Variants in CCNK observed in about 807,000 individuals in gnomAD.
CCNK encodes the protein cyclin-K.
A neutral mutation model predicts 65.0 loss-of-function variants in CCNK; 9 were observed. The ratio of observed to expected loss-of-function variants is 0.14; its 90% CI spans 0.08 to 0.24. The LOEUF is 0.24. CCNK is among the 10% of genes least tolerant of loss of function. The probability of loss-of-function intolerance (pLI) is 1.00; values close to 1 mark genes in which losing one functional copy is unlikely to be tolerated. For synonymous variants in CCNK, 279 were observed against 270.8 expected, an observed-to-expected ratio of 1.03 and a Z score of -0.30; for missense variants, 474 against 720.0, an observed-to-expected ratio of 0.66 and a Z score of 3.91.
At chr14:99,506,921 T>A in intron 9 of CCNK, 155 bp from the exon 10 acceptor site, 1 of 644,898 alleles carries the variant, frequency 1.6e-6, no homozygotes, top group Non-Finnish European at 2.8e-6. Flanking sequence ...TCATGCATAA[T>A]GGTTTAGCTG....
At chr14:99,499,018 A>G (rs1034000393) in intron 4 of CCNK, among the ~76,000 whole-genome samples, 2 of 152,180 alleles carry the variant, frequency 1.3e-5, no homozygotes, top group Non-Finnish European at 2.9e-5. Context: ...GGTGGTGACA[A>G]TGACATTCAA....
chr14:99,502,024 G>T (rs946658387), intron 6 of CCNK, 183 bp from the exon 7 acceptor site: 1 of 591,410 alleles, frequency 1.7e-6, no homozygotes, highest in Admixed American at 3.8e-5. Context: ...ACTAACTATG[G>T]TTAAAGTAAC....
chr14:99,493,254 G>A (rs1312305538), intron 2 of CCNK, among the ~76,000 whole-genome samples: 3 of 151,956 alleles, frequency 2.0e-5, no homozygotes, highest in African/African-American at 4.8e-5. Flanking sequence ...CTCTAGCCTG[G>A]GTGACAGAGA....
Position 99,510,751 on chromosome 14 carries a change from GGGGGCT to G in CCNK, c.1718_1723del (p.Leu573_Gly574del). 6.9e-7 allele frequency: 1 copy of G among 1,456,694 alleles called. No homozygotes were observed. The allele number at this position is 1,456,694 out of a possible 1,614,324, so 90.2% of individuals were successfully genotyped here. ...CCCCCACCCGGCATGCCTCCAGTTGGGGGGCTGGGGCGGGCAGCCTGGATGAGATAA... is the reference window on the plus strand; with the variant it reads ...CCCCCACCCGGCATGCCTCCAGTTGGGGGGCGGGCAGCCTGGATGAGATAA... On this transcript the variant is annotated inframe_deletion, in exon 11 of 11. Transcript: ENST00000389879.
At chr14:99,502,571 C>T (rs1896860226) in intron 7 of CCNK, 148 bp from the exon 8 acceptor site, 1 of 1,185,414 alleles carries the variant, frequency 8.4e-7, no homozygotes, top group Non-Finnish European at 1.2e-6. Flanking sequence ...AAATACACAC[C>T]AGTGTTGCAC....
intron 1 of CCNK, among the ~76,000 whole-genome samples, chr14:99,491,586 GTACT>G (rs1275335081): frequency 2.7e-5 from 3 of 112,098 alleles, no homozygotes; most frequent in African/African-American, 8.6e-5. Flanking sequence ...TTTTCTCCAG[GTACT>G]TAATTCTTCC....
intron 1 of CCNK, among the ~76,000 whole-genome samples, chr14:99,491,440 G>T (rs1360602803): frequency 2.0e-5 from 3 of 152,184 alleles, no homozygotes; most frequent in African/African-American, 7.2e-5. Flanking sequence ...CAGTAGGTGA[G>T]AATTGTATCT....
chr14:99,483,247 A>G (rs1566744870), intron 1 of CCNK, among the ~76,000 whole-genome samples: 1 of 152,144 alleles, frequency 6.6e-6, no homozygotes, highest in Non-Finnish European at 1.5e-5. Context: ...GCAGAGCTTC[A>G]GTGAGAAAAG....
At chr14:99,501,489 C>A in intron 6 of CCNK, 76 bp downstream of exon 6, 1 of 1,012,666 alleles carries the variant, frequency 9.9e-7, no homozygotes, top group Non-Finnish European at 1.5e-6. Context: ...TCATCTAAAC[C>A]CCTCATTTTG....
chr14:99,481,735 T>C, intron 1 of CCNK: 1 of 368,300 alleles, frequency 2.7e-6, no homozygotes, highest in Non-Finnish European at 4.8e-6. Flanking sequence ...GCCCTCGCAC[T>C]GGGGGGCAGT....
intron 7 of CCNK, 98 bp downstream of exon 7, chr14:99,502,474 CAT>C (rs1896857353): frequency 4.8e-6 from 7 of 1,462,458 alleles, no homozygotes; most frequent in South Asian, 1.4e-5. Flanking sequence ...CCCAGATAGA[CAT>C]ATGTGAGCAA....
intron 10 of CCNK, chr14:99,508,059 A>T (rs1461379675): frequency 6.6e-6 from 1 of 152,234 alleles, no homozygotes. Flanking sequence ...AGCCTGCTAC[A>T]CTCACTGTTG....
At chr14:99,485,424 A>G (rs906167932) in intron 1 of CCNK, among the ~76,000 whole-genome samples, 1 of 152,178 alleles carries the variant, frequency 6.6e-6, no homozygotes, top group Admixed American at 6.5e-5. Context: ...CCCTTAAAAG[A>G]TTATTTAAAA....
intron 10 of CCNK, chr14:99,509,538 G>GCACGCAGCACGCACAGACATGCAGCACA (rs1360960713): frequency 2.0e-5 from 3 of 152,206 alleles, no homozygotes; most frequent in African/African-American, 7.5e-5. Flanking sequence ...CATGCAGCAC[G>GCACGCAGCACGCACAGACATGCAGCACA]CACGCAGCAC....
At chr14:99,490,928 C>CAA (rs56222414) in intron 1 of CCNK, among the ~76,000 whole-genome samples, 17 of 80,018 alleles carry the variant, frequency 2.1e-4, no homozygotes, top group African/African-American at 3.8e-4. Context: ...GACTCCGTCT[C>CAA]AAAAAAAAAA....
rs759957278 is a variant in CCNK, at chr14:99,502,977, G to A, written c.1004G>A (p.Arg335Gln). ...CCCAGTTCTCCCCGACAGGTTAAGC[G>A]AGCCGTGGTGAGTGGGCTAAAGCAG... ...PQPSSPRQVKRAVVVSPKEEN... is the reference protein window; with the variant it reads ...PQPSSPRQVKQAVVVSPKEEN... The change falls in exon 8 of 11, where the codon CGA becomes CAA. Residue 335 changes from arginine (R) to glutamine (Q), a missense_variant. By Grantham distance (43) the Arg-to-Gln change is conservative (BLOSUM62 1). This residue lies in a region of CCNK where 229 missense variants were observed against 275.5 expected (regional missense o/e 0.83). Coordinates refer to ENST00000389879, the MANE Select transcript of CCNK (RefSeq NM_001099402.2). The A allele has an allele frequency of 2.5e-6, 4 of 1,613,976 alleles. No homozygotes were observed. The highest frequency in any genetic ancestry group is 3.3e-5 in the Admixed American group (2 of 60,028).
rs182695956 is a variant in CCNK at position 99,501,233 on chromosome 14, C to T, written c.518-123C>T. The T allele has an allele frequency of 5.4e-5, 37 of 689,700 alleles. No homozygotes were observed. The East Asian group carries it at 5.7e-4, about 11-fold the overall frequency. The allele number at this position is 689,700 out of a possible 1,614,324, so 42.7% of individuals were successfully genotyped here. A position where few individuals can be genotyped will look rare whatever the true frequency, so the allele number is the denominator to read the frequency against. On this transcript the variant is annotated intron_variant, in intron 5 of 10. Coordinates refer to ENST00000389879, the MANE Select transcript of CCNK (RefSeq NM_001099402.2). ...CCACATCATTCATCCTTGTTTCCCA[C>T]GCAAAAGCTCTTTGCTGTGTATTTG...
intron 10 of CCNK, chr14:99,509,952 G>A: frequency 1.6e-6 from 1 of 607,776 alleles, no homozygotes; most frequent in South Asian, 2.0e-5. Context: ...GGTCGTCGCA[G>A]ACAGGGTGGA....
intron 3 of CCNK, chr14:99,494,904 C>G (rs1045990514): frequency 1.3e-5 from 2 of 152,198 alleles, no homozygotes; most frequent in Non-Finnish European, 2.9e-5. Context: ...GGAACAAGCC[C>G]CTTGGGCCTC....
Sources: allele counts gnomAD v4.1 joint callset (sites outside exome capture counted in the v4.1 genomes callset), GRCh38; gene constraint gnomAD v4.1.1; regional missense constraint gnomAD v4.1.1; transcripts MANE v1.5; gene names NCBI Gene and HGNC (gene_info 2026-07-23, HGNC 2026-07-21).